Variants in PLXNA4 observed in about 807,000 individuals in gnomAD.
The protein encoded by PLXNA4 is plexin A4.
A neutral mutation model predicts 191.8 loss-of-function variants in PLXNA4; 44 were observed. The ratio of observed to expected loss-of-function variants is 0.23; its 90% CI spans 0.18 to 0.29. The LOEUF is 0.29. PLXNA4 is among the 10% of genes least tolerant of loss of function. The pLI is 1.00. For missense variants in PLXNA4, 1,800 were observed against 2,488.8 expected, an observed-to-expected ratio of 0.72 and a Z score of 5.89; for synonymous variants, 1,082 against 1,009.5, an observed-to-expected ratio of 1.07 and a Z score of -1.36.
At chr7:132,484,816 T>C (rs1563126168) in intron 3 of PLXNA4, 6 of 1,613,980 alleles carry the variant, frequency 3.7e-6, no homozygotes, top group Non-Finnish European at 5.1e-6. Context: ...CAGAGTAATT[T>C]TAGGAAGAAT....
At chr7:132,271,638 T>C (rs966081186) in intron 4 of PLXNA4, among the ~76,000 whole-genome samples, 2 of 152,056 alleles carry the variant, frequency 1.3e-5, no homozygotes, top group African/African-American at 4.8e-5. Flanking sequence ...GTTCTATGTA[T>C]AAAGAAGCCA....
chr7:132,628,552 G>A (rs2116875677), intron 2 of PLXNA4, among the ~76,000 whole-genome samples: 1 of 151,534 alleles, frequency 6.6e-6, no homozygotes, highest in Middle Eastern at 3.5e-3. Context: ...TTCTAAAAAT[G>A]TCCTCTCTCT....
At chr7:132,401,213 T>G (rs980349715) in intron 3 of PLXNA4, among the ~76,000 whole-genome samples, 1 of 152,258 alleles carries the variant, frequency 6.6e-6, no homozygotes, top group Non-Finnish European at 1.5e-5. Flanking sequence ...ACTATAGTTA[T>G]GCAAAATGAT....
At chr7:132,192,978 G>A (rs914581424) in intron 14 of PLXNA4, among the ~76,000 whole-genome samples, 4 of 152,092 alleles carry the variant, frequency 2.6e-5, no homozygotes, top group African/African-American at 9.7e-5. Context: ...TGTGGGTAGA[G>A]GGAAATGGAT....
At chr7:132,240,428 G>T (rs7786321) in intron 5 of PLXNA4, among the ~76,000 whole-genome samples, 1 of 152,174 alleles carries the variant, frequency 6.6e-6, no homozygotes, top group African/African-American at 2.4e-5. Flanking sequence ...CACAAAAGGA[G>T]GCACATTGGC....
At chr7:132,582,115 G>A (rs907024729), upstream of PLXNA4, among the ~76,000 whole-genome samples, 5 of 152,266 alleles carry the variant, frequency 3.3e-5, no homozygotes, top group South Asian at 2.1e-4. Flanking sequence ...ACAAGGTCCC[G>A]TAGTATGCCT....
intron 3 of PLXNA4, among the ~76,000 whole-genome samples, chr7:132,327,636 G>A (rs74812137): frequency 6.6e-6 from 1 of 152,126 alleles, no homozygotes; most frequent in Non-Finnish European, 1.5e-5. Context: ...CTATGCCCTG[G>A]GTTCTCGGAC....
At chr7:132,577,473 C>A (rs935520987), upstream of PLXNA4, among the ~76,000 whole-genome samples, 18 of 151,524 alleles carry the variant, frequency 1.2e-4, no homozygotes, top group South Asian at 4.2e-4. Context: ...CTCTGGCTCG[C>A]TCTCGCTGGC....
At chr7:132,593,201 G>T (rs527816636) in intron 2 of PLXNA4, among the ~76,000 whole-genome samples, 1 of 152,320 alleles carries the variant, frequency 6.6e-6, no homozygotes, top group East Asian at 1.9e-4. Context: ...CAATTGACGC[G>T]CAGCGTGGGC....
chr7:132,611,600 C>T (rs957024728), intron 2 of PLXNA4, among the ~76,000 whole-genome samples: 1 of 152,210 alleles, frequency 6.6e-6, no homozygotes, highest in East Asian at 1.9e-4. Flanking sequence ...ATTAAACAAC[C>T]TGGGGCATGA....
intron 10 of PLXNA4, among the ~76,000 whole-genome samples, chr7:132,205,062 G>A (rs949932126): frequency 2.6e-5 from 4 of 152,316 alleles, no homozygotes; most frequent in African/African-American, 4.8e-5. Context: ...TGGCACCCGG[G>A]CCAAGGCCAG....
At chr7:132,140,097 T>C (rs923969908) in intron 30 of PLXNA4, among the ~76,000 whole-genome samples, 23 of 152,304 alleles carry the variant, frequency 1.5e-4, no homozygotes, top group African/African-American at 5.1e-4. Flanking sequence ...TAAGAGCTCA[T>C]GCAAGAGTCA....
At position 132,489,361 on chromosome 7, in the gene PLXNA4, A is replaced by T; in HGVS notation, c.1302T>A (p.Ser434=). The change falls in exon 3 of 32, where the codon TCT becomes TCA. Residue 434 remains serine (S), a synonymous_variant. Coordinates refer to ENST00000321063, the MANE Select transcript of PLXNA4 (RefSeq NM_020911.2). ...GGTTCTTGTAGACATATGCGATGAC[A>T]GACGTCATGCGGTCCCTGTCCTCCG... is the stretch of plus-strand genomic sequence containing the variant. ...VFTEDRDRMT[S]VIAYVYKNHS... 1 of 1,606,542 alleles carries T rather than the reference A, an allele frequency of 6.2e-7. No homozygotes were observed.
chr7:132,231,407 T>A lies in PLXNA4; in HGVS notation c.1605-2938A>T. On this transcript the variant is annotated intron_variant, in intron 5 of 31. Transcript: ENST00000321063. Reference sequence around the variant, plus strand: ...CACAGATTTATTTTATTTTTTATCTTATTTTTAGAATGAGTGTTTTTTATT... The same window carrying A: ...CACAGATTTATTTTATTTTTTATCTAATTTTTAGAATGAGTGTTTTTTATT... Among the ~76,000 whole-genome samples, 2 of 152,362 alleles carry A rather than the reference T, an allele frequency of 1.3e-5. 1 individual carries two copies. The highest frequency in any genetic ancestry group is 4.1e-4 in the South Asian group (2 of 4,828).
At position 132,168,554 on chromosome 7, in the gene PLXNA4, C is replaced by T. The variant is rs1175189224; in HGVS notation, c.4036G>A (p.Glu1346Lys). ...AGCTTCAGGCCTTTCTCCACACGCT[C>T]CTGCCGGTAGCCCGGGACCTGCAGA... The part of the protein sequence containing the change: ...RDLEVPGYRQ[E>K]RVEKGLKLFA... Residue 1346 changes from glutamate to lysine, a missense_variant, in exon 22 of 32, where the codon GAG becomes AAG. Coordinates refer to ENST00000321063, the MANE Select transcript of PLXNA4 (RefSeq NM_020911.2). The T allele has an allele frequency of 6.3e-7, 1 of 1,591,268 alleles. No individual in the cohort carries two copies. Among genetic ancestry groups the T allele is most frequent in the East Asian group, 2.2e-5 (1 of 44,548 alleles).
chr7:132,406,018 G>T (rs1794204868), intron 3 of PLXNA4, among the ~76,000 whole-genome samples: 1 of 152,218 alleles, frequency 6.6e-6, no homozygotes, highest in Non-Finnish European at 1.5e-5. Context: ...CATTTGAGCA[G>T]CAGGGCAGTG....
chr7:132,532,517 G>C (rs1223728293), intron 1 of PLXNA4, among the ~76,000 whole-genome samples: 1 of 152,086 alleles, frequency 6.6e-6, no homozygotes, highest in Non-Finnish European at 1.5e-5. Flanking sequence ...TGCCTTGTTT[G>C]AAAAAATATG....
chr7:132,511,155 A>G (rs972624556), intron 1 of PLXNA4, among the ~76,000 whole-genome samples: 2 of 152,314 alleles, frequency 1.3e-5, no homozygotes, highest in East Asian at 3.9e-4. Flanking sequence ...ACTGGCAGAA[A>G]GAGGGGCTGG....
At chr7:132,331,330 C>A (rs893841937) in intron 3 of PLXNA4, among the ~76,000 whole-genome samples, 5 of 152,234 alleles carry the variant, frequency 3.3e-5, no homozygotes, top group African/African-American at 1.2e-4. Flanking sequence ...CACACAGCCT[C>A]ACCTTTGCCA....
Sources: gnomAD v4.1 joint callset for allele counts (sites outside exome capture counted in the v4.1 genomes callset) on GRCh38, gnomAD v4.1.1 for gene constraint, MANE v1.5 for transcripts, NCBI Gene and HGNC (gene_info 2026-07-23, HGNC 2026-07-21) for gene names.